The following RTF1 variants were observed in gnomAD, a reference collection of about 807,000 sequenced individuals.
The protein encoded by RTF1 is RTF1 homolog, Paf1/RNA polymerase II complex component, also known as RNA polymerase-associated protein RTF1 homolog.
Under a neutral mutation model 95.7 loss-of-function variants are expected in RTF1, and 10 were observed. That is an observed-to-expected ratio of 0.10 (90% CI 0.06 to 0.18). The LOEUF (loss-of-function observed/expected upper bound fraction) is 0.18, where lower values mean the gene tolerates loss of function less well. Among genes scored for constraint, RTF1 ranks in the 10% least tolerant of loss-of-function variants. The pLI is 1.00. For missense variants in RTF1, 458 were observed against 875.6 expected, an observed-to-expected ratio of 0.52 and a Z score of 6.02; for synonymous variants, 305 against 311.8, an observed-to-expected ratio of 0.98 and a Z score of 0.23.
chr15:41,432,980 C>T (rs116301308), intron 1 of RTF1, among the ~76,000 whole-genome samples: 1,932 of 149,300 alleles, frequency 0.013, 43 homozygotes, highest in African/African-American at 0.046. Context: ...AGGTCGGCTG[C>T]GGTGGCTCAC....
chr15:41,467,036 T>C (rs1183861522), intron 6 of RTF1, among the ~76,000 whole-genome samples: 2 of 152,208 alleles, frequency 1.3e-5, no homozygotes, highest in African/African-American at 4.8e-5. Context: ...ACACATGATA[T>C]CTGACTGTCT....
At chr15:41,440,976 T>C (rs934541093) in intron 2 of RTF1, among the ~76,000 whole-genome samples, 1 of 145,968 alleles carries the variant, frequency 6.9e-6, no homozygotes, top group Admixed American at 6.8e-5. Context: ...CTCTTTTTTT[T>C]TTTTTTTTTT....
At chr15:41,425,736 T>A (rs1456914120) in intron 1 of RTF1, among the ~76,000 whole-genome samples, 1 of 152,180 alleles carries the variant, frequency 6.6e-6, no homozygotes, top group East Asian at 1.9e-4. Context: ...ATGGTTGTTA[T>A]AGAGATGACA....
intron 2 of RTF1, among the ~76,000 whole-genome samples, chr15:41,439,406 G>GCCC (rs1342835553): frequency 6.6e-6 from 1 of 152,090 alleles, no homozygotes; most frequent in East Asian, 1.9e-4. Context: ...CAAGGATGCT[G>GCCC]TAGTTTAATG....
chr15:41,454,840 ATGTTTAAAATT>A (rs2050804741), intron 3 of RTF1, among the ~76,000 whole-genome samples: 1 of 152,224 alleles, frequency 6.6e-6, no homozygotes, highest in Non-Finnish European at 1.5e-5. Flanking sequence ...CTAAAAAGTC[ATGTTTAAAATT>A]TAGTTTTTCA....
intron 2 of RTF1, chr15:41,448,762 G>A (rs1029434781): frequency 2.6e-5 from 4 of 152,018 alleles, no homozygotes; most frequent in Middle Eastern, 3.4e-3. Flanking sequence ...AATATTTCAC[G>A]AATTTGCATG....
In RTF1 at chr15:41,421,472, AG is replaced by A. The variant is rs752599592; in HGVS notation, c.198+4160del. On this transcript the variant is annotated intron_variant, in intron 1 of 17. Coordinates refer to ENST00000389629, the MANE Select transcript of RTF1 (RefSeq NM_015138.5). ...ACTCTGTATTAAAAAAAAAAAAAAA[AG>A]AATTTAAAAATTAGCTGGGCATGGT... is the stretch of plus-strand genomic sequence containing the variant. Among the ~76,000 whole-genome samples, 5 of 150,622 alleles carry A rather than the reference AG, an allele frequency of 3.3e-5. No homozygotes were observed. The East Asian group carries it at 9.9e-4, about 30-fold the overall frequency.
chr15:41,470,472 C>G, intron 7 of RTF1, 80 bp downstream of exon 7: 1 of 1,481,244 alleles, frequency 6.8e-7, no homozygotes, highest in Non-Finnish European at 9.3e-7. Flanking sequence ...TCCAAAATCT[C>G]CCTGGTTGGG....
chr15:41,424,512 A>G (rs563662926), intron 1 of RTF1, among the ~76,000 whole-genome samples: 1 of 152,336 alleles, frequency 6.6e-6, no homozygotes, highest in South Asian at 2.1e-4. Context: ...CTGTAGAGGT[A>G]GATTCTGTTT....
chr15:41,446,526 A>C lies in RTF1; in HGVS notation c.310-6375A>C, dbSNP rs1003850332. Among the ~76,000 whole-genome samples, 12 of 151,928 alleles carry C rather than the reference A, an allele frequency of 7.9e-5. 1 individual carries two copies. Among genetic ancestry groups the C allele is most frequent in the African/African-American group, 2.9e-4 (12 of 41,366 alleles). On this transcript the variant is annotated intron_variant, in intron 2 of 17. Transcript: ENST00000389629. ...GGTTGCAGTGAGCCGAGATTGTGCC[A>C]CTGCCTGGGCAACAGAGCAAGACTC...
intron 14 of RTF1, 23 bp from the exon 15 acceptor site, chr15:41,478,525 G>A (rs758024574): frequency 1.9e-6 from 3 of 1,604,772 alleles, no homozygotes; most frequent in Non-Finnish European, 2.6e-6. Context: ...GTGCAGTTCT[G>A]TGGTGCATGC....
intron 7 of RTF1, 71 bp downstream of exon 7, chr15:41,470,463 C>A: frequency 6.6e-7 from 1 of 1,521,436 alleles, no homozygotes; most frequent in Non-Finnish European, 9.0e-7. Context: ...GGTATCGTTT[C>A]CAAAATCTCC....
intron 1 of RTF1, among the ~76,000 whole-genome samples, chr15:41,431,737 G>A (rs1000912890): frequency 1.3e-5 from 2 of 151,948 alleles, no homozygotes; most frequent in Non-Finnish European, 2.9e-5. Context: ...GGGCTCAAAC[G>A]ATCAGCCCTC....
chr15:41,454,997 C>T (rs529649030), intron 3 of RTF1, among the ~76,000 whole-genome samples: 23 of 152,236 alleles, frequency 1.5e-4, no homozygotes, highest in South Asian at 1.0e-3. Context: ...AAATTCAGTG[C>T]ACCAACAAGT....
At chr15:41,478,878 A>G in intron 15 of RTF1, 1 of 603,858 alleles carries the variant, frequency 1.7e-6, no homozygotes, top group Non-Finnish European at 2.9e-6. Context: ...TGCAGCAGAC[A>G]TTAGTAATGT....
chr15:41,453,633 G>T (rs748848069), intron 3 of RTF1, among the ~76,000 whole-genome samples: 31 of 151,572 alleles, frequency 2.0e-4, no homozygotes, highest in African/African-American at 3.4e-4. Context: ...AGGCTGAGGC[G>T]AGAGGCTTGC....
Position 41,479,085 on chromosome 15 carries a change from A to G in RTF1, c.1819-18A>G. Reference sequence around the variant, plus strand: ...TGAGTGTCAAGCAATCTCTAAAACAACTTATTTTCTCTCTCAGTCCAGAGA... The same window carrying G: ...TGAGTGTCAAGCAATCTCTAAAACAGCTTATTTTCTCTCTCAGTCCAGAGA... On this transcript the variant is annotated intron_variant, in intron 15 of 17. Transcript: ENST00000389629. The G allele has an allele frequency of 1.3e-6, 2 of 1,586,384 alleles. No individual in the cohort carries two copies. Among genetic ancestry groups the G allele is most frequent in the South Asian group, 1.1e-5 (1 of 90,340 alleles).
intron 1 of RTF1, among the ~76,000 whole-genome samples, chr15:41,429,601 C>T (rs912169922): frequency 2.0e-5 from 3 of 152,090 alleles, no homozygotes; most frequent in Admixed American, 6.6e-5. Flanking sequence ...TTTCTTCTTA[C>T]CACTAACCCA....
rs139035607 is a variant in RTF1 at position 41,456,130 on chromosome 15, C to G, written c.458-1542C>G. 9.7e-3 allele frequency among the ~76,000 whole-genome samples: 1,451 copies of G among 149,640 alleles called. 22 individuals carry two copies. The highest frequency in any genetic ancestry group is 0.034 in the African/African-American group (1,383 of 40,596). On this transcript the variant is annotated intron_variant, in intron 3 of 17. Transcript: ENST00000389629. ...CTGAGGCAGGAGAATTGCTTGAACC[C>G]GAGAGGTAGAGGTTGCAGTAACTGA... is the stretch of plus-strand genomic sequence containing the variant.
Sources: allele counts gnomAD v4.1 joint callset (sites outside exome capture counted in the v4.1 genomes callset), GRCh38; gene constraint gnomAD v4.1.1; transcripts MANE v1.5; gene names NCBI Gene and HGNC (gene_info 2026-07-23, HGNC 2026-07-21).